The following CTTNBP2NL variants were observed in gnomAD, a reference collection of about 807,000 sequenced individuals.
CTTNBP2NL encodes the protein CTTNBP2 N-terminal-like protein.
CTTNBP2NL carries 16 observed loss-of-function variants against 32.5 expected under a neutral mutation model. The ratio of observed to expected loss-of-function variants is 0.49; its 90% CI spans 0.33 to 0.75. CTTNBP2NL has a LOEUF of 0.75. Among genes scored for constraint, CTTNBP2NL ranks in the 30% least tolerant of loss-of-function variants. The pLI is 0.02. For synonymous variants in CTTNBP2NL, 298 were observed against 289.4 expected, an observed-to-expected ratio of 1.03 and a Z score of -0.30; for missense variants, 645 against 756.0, an observed-to-expected ratio of 0.85 and a Z score of 1.72.
intron 3 of CTTNBP2NL, among the ~76,000 whole-genome samples, chr1:112,430,163 TTTTC>T (rs1203890908): frequency 1.3e-5 from 2 of 149,640 alleles, no homozygotes; most frequent in Non-Finnish European, 3.0e-5. Context: ...AAGCTAGCTC[TTTTC>T]TTTCTTTTCT....
At chr1:112,426,104 G>A (rs563808150) in intron 3 of CTTNBP2NL, among the ~76,000 whole-genome samples, 40 of 151,748 alleles carry the variant, frequency 2.6e-4, no homozygotes, top group Non-Finnish European at 5.3e-4. Context: ...AGTCTGTCAA[G>A]TTGTTGGCCG....
intron 3 of CTTNBP2NL, among the ~76,000 whole-genome samples, chr1:112,432,469 G>A (rs1168190615): frequency 6.6e-6 from 1 of 152,014 alleles, no homozygotes; most frequent in Admixed American, 6.6e-5. Context: ...TGGATTCATT[G>A]GTAGAAATGA....
chr1:112,448,303 C>T (rs1438370055), intron 3 of CTTNBP2NL, among the ~76,000 whole-genome samples: 2 of 152,230 alleles, frequency 1.3e-5, no homozygotes, highest in Admixed American at 6.5e-5. Flanking sequence ...CTTGACCCAT[C>T]AACAACTGAG....
In CTTNBP2NL at chr1:112,456,196, T is replaced by C. The variant is rs781729670; in HGVS notation, c.704T>C (p.Val235Ala). The C allele has an allele frequency of 1.2e-6, 2 of 1,613,658 alleles. No individual in the cohort carries two copies. Among genetic ancestry groups the C allele is most frequent in the African/African-American group, 2.7e-5 (2 of 74,812 alleles). Residue 235 changes from valine (V) to alanine (A), a missense_variant, in exon 6 of 6, where the codon GTA becomes GCA. Transcript: ENST00000271277. Reference sequence around the variant, plus strand: ...AGAGGCTTGCAGACTGAGGCCCAGGTAGAGAAGCAGTTATCAGAGTTTGAC... The same window carrying C: ...AGAGGCTTGCAGACTGAGGCCCAGGCAGAGAAGCAGTTATCAGAGTTTGAC... ...RKRGLQTEAQ[V>A]EKQLSEFDIE...
intron 3 of CTTNBP2NL, 32 bp from the exon 4 acceptor site, chr1:112,448,910 G>A: frequency 7.6e-7 from 1 of 1,318,002 alleles, no homozygotes; most frequent in Non-Finnish European, 1.1e-6. Flanking sequence ...GTTTTAAAAA[G>A]CAAGATGCTT....
chr1:112,416,737 C>T (rs1279215995), intron 3 of CTTNBP2NL, among the ~76,000 whole-genome samples: 2 of 152,026 alleles, frequency 1.3e-5, no homozygotes, highest in African/African-American at 4.8e-5. Context: ...GTGATCCGCC[C>T]CCGCTTAGCC....
chr1:112,415,649 C>T (rs1164597735), intron 2 of CTTNBP2NL, among the ~76,000 whole-genome samples: 2 of 151,544 alleles, frequency 1.3e-5, no homozygotes, highest in Non-Finnish European at 2.9e-5. Flanking sequence ...CTTTGCCTCC[C>T]GCGTTCAAGT....
chr1:112,454,164 C>T (rs1650302123), intron 4 of CTTNBP2NL, among the ~76,000 whole-genome samples: 2 of 152,196 alleles, frequency 1.3e-5, no homozygotes, highest in Admixed American at 1.3e-4. Context: ...ATTCTCGACA[C>T]CTCCTCAACC....
intron 1 of CTTNBP2NL, among the ~76,000 whole-genome samples, chr1:112,397,599 T>A (rs988540979): frequency 2.6e-5 from 4 of 152,360 alleles, no homozygotes; most frequent in African/African-American, 9.6e-5. Context: ...TCTAGTGTGC[T>A]CCTAAAGGTT....
chr1:112,437,855 C>T (rs1345886647), intron 3 of CTTNBP2NL, among the ~76,000 whole-genome samples: 5 of 152,084 alleles, frequency 3.3e-5, no homozygotes, highest in African/African-American at 9.7e-5. Context: ...GGATATTAGA[C>T]GTTTGTCAGA....
intron 3 of CTTNBP2NL, among the ~76,000 whole-genome samples, chr1:112,440,485 A>G (rs150540846): frequency 6.6e-6 from 1 of 152,342 alleles, no homozygotes; most frequent in African/African-American, 2.4e-5. Context: ...CATATTAAAA[A>G]GTAGACTTTG....
intron 1 of CTTNBP2NL, among the ~76,000 whole-genome samples, chr1:112,403,887 G>A (rs1570713435): frequency 6.6e-6 from 1 of 152,170 alleles, no homozygotes; most frequent in Non-Finnish European, 1.5e-5. Flanking sequence ...ACTTGTTTTG[G>A]TTTGTAAATT....
intron 3 of CTTNBP2NL, among the ~76,000 whole-genome samples, chr1:112,426,861 C>T (rs532332586): frequency 3.9e-5 from 6 of 152,280 alleles, no homozygotes; most frequent in African/African-American, 1.4e-4. Context: ...CCACTTCAGC[C>T]TCCCAAAGTT....
intron 3 of CTTNBP2NL, among the ~76,000 whole-genome samples, chr1:112,423,998 C>T (rs533704449): frequency 1.8e-4 from 27 of 152,340 alleles, no homozygotes; most frequent in African/African-American, 6.0e-4. Flanking sequence ...GCTGGGATTA[C>T]AGGCATGAGC....
At chr1:112,419,873 A>G (rs1335454814) in intron 3 of CTTNBP2NL, among the ~76,000 whole-genome samples, 1 of 152,132 alleles carries the variant, frequency 6.6e-6, no homozygotes, top group Non-Finnish European at 1.5e-5. Flanking sequence ...ATTTTAATAG[A>G]TGGTTTTTAG....
intron 3 of CTTNBP2NL, among the ~76,000 whole-genome samples, chr1:112,421,678 T>G (rs1025309833): frequency 6.6e-6 from 1 of 151,914 alleles, no homozygotes; most frequent in Non-Finnish European, 1.5e-5. Flanking sequence ...ACAGTTCTTC[T>G]CAATTAAATC....
intron 3 of CTTNBP2NL, among the ~76,000 whole-genome samples, chr1:112,433,910 T>G (rs1649648188): frequency 6.6e-6 from 1 of 151,850 alleles, no homozygotes; most frequent in Admixed American, 6.6e-5. Context: ...TGTGGCTTTT[T>G]TTTTTTTTAA....
upstream of CTTNBP2NL, among the ~76,000 whole-genome samples, chr1:112,394,958 T>C (rs1308762531): frequency 6.6e-6 from 1 of 152,196 alleles, no homozygotes; most frequent in Non-Finnish European, 1.5e-5. Context: ...TCAAATACCA[T>C]TAAATGAAAG....
chr1:112,408,881 C>G (rs1272357662), intron 1 of CTTNBP2NL, among the ~76,000 whole-genome samples: 1 of 152,044 alleles, frequency 6.6e-6, no homozygotes, highest in Admixed American at 6.6e-5. Context: ...AATCCCAGCA[C>G]TTTGGGAGGC....
Sources: gnomAD v4.1 joint callset for allele counts (sites outside exome capture counted in the v4.1 genomes callset) on GRCh38, gnomAD v4.1.1 for gene constraint, MANE v1.5 for transcripts, NCBI Gene and HGNC (gene_info 2026-07-23, HGNC 2026-07-21) for gene names.